Variants in DOK6 observed in about 807,000 individuals in gnomAD.
DOK6 encodes downstream of tyrosine kinase 6.
DOK6 carries 22 observed loss-of-function variants against 44.0 expected under a neutral mutation model. That is an observed-to-expected ratio of 0.50 (90% CI 0.36 to 0.71). The LOEUF (loss-of-function observed/expected upper bound fraction) is 0.71. Among genes scored for constraint, DOK6 ranks in the 30% least tolerant of loss-of-function variants. The pLI is 0.00. For missense variants in DOK6, 340 were observed against 416.4 expected (o/e 0.82, Z 1.60); for synonymous variants, 166 against 145.5 (o/e 1.14, Z -1.01).
chr18:69,531,281 T>C (rs1049989104), intron 1 of DOK6, among the ~76,000 whole-genome samples: 1 of 145,884 alleles, frequency 6.9e-6, no homozygotes, highest in African/African-American at 2.5e-5. Context: ...TAATATATTA[T>C]ATGTTATATA....
rs1298676678 is a variant in DOK6 at position 69,501,292 on chromosome 18, A to G, written c.67-63195A>G. ...TGACTCCACTGACAACTGATTAGTG[A>G]ACTAGTTTGTGTATGTTGCTTACTA... On this transcript the variant is annotated intron_variant, in intron 1 of 7. Coordinates refer to ENST00000382713, the MANE Select transcript of DOK6 (RefSeq NM_152721.6). Among the ~76,000 whole-genome samples, 4 of 152,140 alleles carry G rather than the reference A, an allele frequency of 2.6e-5. 1 individual carries two copies. Among genetic ancestry groups the G allele is most frequent in the Non-Finnish European group, 4.4e-5 (3 of 67,990 alleles).
At chr18:69,421,134 T>C (rs1978481072) in intron 1 of DOK6, among the ~76,000 whole-genome samples, 1 of 152,180 alleles carries the variant, frequency 6.6e-6, no homozygotes, top group South Asian at 2.1e-4. Context: ...CTGAAAAACC[T>C]TTACAAAAAC....
intron 1 of DOK6, among the ~76,000 whole-genome samples, chr18:69,466,405 G>C (rs556552357): frequency 2.6e-5 from 4 of 151,698 alleles, no homozygotes; most frequent in Non-Finnish European, 4.4e-5. Flanking sequence ...TTCATTATCC[G>C]TTCTTTCATC....
At chr18:69,637,632 C>A (rs1376093714) in intron 3 of DOK6, among the ~76,000 whole-genome samples, 1 of 152,102 alleles carries the variant, frequency 6.6e-6, no homozygotes, top group South Asian at 2.1e-4. Context: ...TCTATTGGGT[C>A]ACAAACATTT....
At chr18:69,499,514 T>C (rs1170942415) in intron 1 of DOK6, among the ~76,000 whole-genome samples, 1 of 152,154 alleles carries the variant, frequency 6.6e-6, no homozygotes, top group Non-Finnish European at 1.5e-5. Flanking sequence ...TGTTTTAAAA[T>C]TTTACTCCCC....
chr18:69,577,558 A>G (rs147214404), intron 2 of DOK6, among the ~76,000 whole-genome samples: 4 of 152,262 alleles, frequency 2.6e-5, no homozygotes, highest in African/African-American at 9.6e-5. Flanking sequence ...TGATTTACTT[A>G]TATTACCACA....
At chr18:69,599,326 C>A in intron 2 of DOK6, 58 bp from the exon 3 acceptor site, 2 of 1,164,988 alleles carry the variant, frequency 1.7e-6, no homozygotes, top group Non-Finnish European at 2.4e-6. Context: ...TTTGTTTCAG[C>A]ACTCCAACAT....
At chr18:69,545,116 T>TAAAA (rs11415632) in intron 1 of DOK6, among the ~76,000 whole-genome samples, 1 of 145,074 alleles carries the variant, frequency 6.9e-6, no homozygotes, top group Non-Finnish European at 1.5e-5. Flanking sequence ...CGAGACACCA[T>TAAAA]AAAAAAAAAA....
intron 6 of DOK6, among the ~76,000 whole-genome samples, chr18:69,755,030 A>G (rs1385505717): frequency 6.6e-6 from 1 of 152,172 alleles, no homozygotes; most frequent in African/African-American, 2.4e-5. Flanking sequence ...TCCATGATCA[A>G]TTTTTTAAAT....
At chr18:69,568,002 C>A (rs551618482) in intron 2 of DOK6, among the ~76,000 whole-genome samples, 15 of 152,344 alleles carry the variant, frequency 9.8e-5, no homozygotes, top group African/African-American at 3.6e-4. Context: ...TTCACTCTCT[C>A]CCTCTCAGCC....
intron 4 of DOK6, among the ~76,000 whole-genome samples, chr18:69,685,066 A>G (rs1310313495): frequency 6.6e-6 from 1 of 152,182 alleles, no homozygotes; most frequent in Non-Finnish European, 1.5e-5. Flanking sequence ...GTGCTCAGGG[A>G]TTGAACTTTG....
intron 4 of DOK6, among the ~76,000 whole-genome samples, chr18:69,688,545 CAG>C (rs1986199366): frequency 6.6e-6 from 1 of 152,212 alleles, no homozygotes; most frequent in African/African-American, 2.4e-5. Flanking sequence ...CTGTTTGAGT[CAG>C]AGTCTCGCTC....
chr18:69,425,668 T>G (rs1978617187), intron 1 of DOK6, among the ~76,000 whole-genome samples: 2 of 152,018 alleles, frequency 1.3e-5, no homozygotes, highest in South Asian at 4.2e-4. Context: ...TAACCTTTAA[T>G]CAGATATTTG....
At chr18:69,681,764 T>C (rs999163812) in intron 4 of DOK6, among the ~76,000 whole-genome samples, 1 of 152,188 alleles carries the variant, frequency 6.6e-6, no homozygotes, top group African/African-American at 2.4e-5. Context: ...CAACACATAA[T>C]AGCAATTGTG....
chr18:69,591,930 T>C (rs1983631507), intron 2 of DOK6, among the ~76,000 whole-genome samples: 1 of 152,118 alleles, frequency 6.6e-6, no homozygotes, highest in Admixed American at 6.5e-5. Flanking sequence ...AAAGAATATA[T>C]TAAACAGATT....
intron 2 of DOK6, among the ~76,000 whole-genome samples, chr18:69,566,078 T>C (rs1982970152): frequency 1.3e-5 from 2 of 152,168 alleles, no homozygotes; most frequent in African/African-American, 2.4e-5. Context: ...TAGTGACATA[T>C]ACTAGTTGGA....
intron 6 of DOK6, among the ~76,000 whole-genome samples, chr18:69,743,470 C>T (rs1300321320): frequency 6.6e-6 from 1 of 152,150 alleles, no homozygotes; most frequent in Admixed American, 6.5e-5. Context: ...AGGTTGAGTA[C>T]AGGCTGAAAT....
rs1297239252 is a variant in DOK6, at chr18:69,677,774, G to A, written c.330G>A (p.Glu110=). Residue 110 remains glutamate, a synonymous_variant, in exon 4 of 8, where the codon GAG becomes GAA. Coordinates refer to ENST00000382713, the MANE Select transcript of DOK6 (RefSeq NM_152721.6). ...AGTGGTGCAAGCACCTCTGCATGGA[G>A]TGTCTGGGGACCAGGCTCAATGATA... is the stretch of plus-strand genomic sequence containing the variant. The part of the protein sequence containing the change: ...AEEWCKHLCM[E]CLGTRLNDIS... 1 of 1,613,820 alleles carries A rather than the reference G, an allele frequency of 6.2e-7. No homozygotes were observed. Among genetic ancestry groups the A allele is most frequent in the Admixed American group, 1.7e-5 (1 of 60,016 alleles).
chr18:69,681,911 G>T (rs1295662790), intron 4 of DOK6, among the ~76,000 whole-genome samples: 1 of 152,192 alleles, frequency 6.6e-6, no homozygotes, highest in Non-Finnish European at 1.5e-5. Flanking sequence ...ACTGATGCAA[G>T]AGATCTCCAT....
Sources: allele counts gnomAD v4.1 joint callset (sites outside exome capture counted in the v4.1 genomes callset), GRCh38; gene constraint gnomAD v4.1.1; transcripts MANE v1.5; gene names NCBI Gene and HGNC (gene_info 2026-07-23, HGNC 2026-07-21).